Variants in DNAAF4 observed in about 807,000 individuals in gnomAD.
The protein encoded by DNAAF4 is dynein assembly factor 4, axonemal.
DNAAF4 carries 43 observed loss-of-function variants against 51.8 expected under a neutral mutation model. The observed-to-expected ratio is 0.83, with a 90% confidence interval of 0.65 to 1.07. DNAAF4 has a LOEUF of 1.07. DNAAF4 is among the 50% of genes least tolerant of loss of function. The pLI is 0.00. For missense variants in DNAAF4, 581 were observed against 493.0 expected, an observed-to-expected ratio of 1.18 and a Z score of -1.69; for synonymous variants, 194 against 165.6, an observed-to-expected ratio of 1.17 and a Z score of -1.32.
chr15:55,487,091 G>C (rs1433913612), intron 4 of DNAAF4, among the ~76,000 whole-genome samples: 1 of 152,174 alleles, frequency 6.6e-6, no homozygotes, highest in Non-Finnish European at 1.5e-5. Context: ...CAAAATCTTA[G>C]TGAGAGGTGA....
intron 1 of DNAAF4, among the ~76,000 whole-genome samples, chr15:55,506,823 C>T (rs1595966345): frequency 6.6e-6 from 1 of 151,972 alleles, no homozygotes; most frequent in East Asian, 1.9e-4. Flanking sequence ...AGAAATAATG[C>T]TATTTTATAC....
intron 9 of DNAAF4, among the ~76,000 whole-genome samples, chr15:55,431,553 CA>C (rs1274976059): frequency 1.3e-5 from 2 of 150,834 alleles, no homozygotes; most frequent in Non-Finnish European, 2.9e-5. Flanking sequence ...TGGCTCACTG[CA>C]AGCTCTGCCT....
downstream of DNAAF4, among the ~76,000 whole-genome samples, chr15:55,429,524 A>G (rs74635189): frequency 6.7e-6 from 1 of 149,674 alleles, no homozygotes; most frequent in Non-Finnish European, 1.5e-5. Flanking sequence ...GTCTCAAGAA[A>G]AAAAAAAAAA....
In DNAAF4 at chr15:55,498,356, CG is replaced by C. The variant is rs1313927016; in HGVS notation, c.-28del. 1 of 1,589,728 alleles carries C rather than the reference CG, an allele frequency of 6.3e-7. No homozygotes were observed. The highest frequency in any genetic ancestry group is 1.4e-5 in the African/African-American group (1 of 73,894). Reference sequence around the variant, plus strand: ...CCGGTAGCAACGGGAGCGGATAGCGCGGCTGGTTGCTTCTTGCGCCTGCTTG... The same window carrying C: ...CCGGTAGCAACGGGAGCGGATAGCGCGCTGGTTGCTTCTTGCGCCTGCTTG... On this transcript the variant is annotated 5_prime_UTR_variant, in exon 2 of 10. Transcript: ENST00000321149.
intron 8 of DNAAF4, among the ~76,000 whole-genome samples, chr15:55,433,693 T>G (rs1188637614): frequency 7.2e-6 from 1 of 138,594 alleles, no homozygotes; most frequent in Non-Finnish European, 1.5e-5. Context: ...TACAGGAATT[T>G]AGCAAATATA....
At chr15:55,432,844 G>C (rs1484845379) in intron 8 of DNAAF4, among the ~76,000 whole-genome samples, 2 of 151,878 alleles carry the variant, frequency 1.3e-5, no homozygotes, top group African/African-American at 4.8e-5. Context: ...TAGCTACTTG[G>C]GAGGCTGAGG....
chr15:55,483,163 C>A (rs774529124), intron 4 of DNAAF4, among the ~76,000 whole-genome samples: 3 of 152,098 alleles, frequency 2.0e-5, no homozygotes, highest in Non-Finnish European at 4.4e-5. Flanking sequence ...GTGGCTCAAT[C>A]TCGGCTCAAT....
rs763879829 is a variant in DNAAF4, at chr15:55,450,341, C to T, written c.664G>A (p.Glu222Lys). Residue 222 changes from glutamate (E) to lysine (K), a missense_variant, in exon 6 of 10, where the codon GAG becomes AAG. Glu to Lys is a moderately conservative substitution (Grantham distance 56). Transcript: ENST00000321149. ...KGRNSENIFT[E>K]KLKEDSIPAP... ...GGAATACTGTCTTCCTTTAACTTCT[C>T]AGTAAATATATTTTCTGAATTTCTC... 45 of 1,611,604 alleles carry T rather than the reference C, an allele frequency of 2.8e-5. No individual in the cohort carries two copies. The Admixed American group carries it at 7.6e-4, about 27-fold the overall frequency.
downstream of DNAAF4, among the ~76,000 whole-genome samples, chr15:55,427,498 C>G (rs1404732136): frequency 1.3e-5 from 2 of 151,798 alleles, no homozygotes; most frequent in Non-Finnish European, 2.9e-5. Flanking sequence ...GTTGGGGGGG[C>G]CACAAGATTA....
chr15:55,482,853 T>C (rs983595366), intron 4 of DNAAF4, among the ~76,000 whole-genome samples: 2 of 152,118 alleles, frequency 1.3e-5, no homozygotes, highest in East Asian at 3.8e-4. Context: ...TATTCATCCA[T>C]AAAAAGGAAT....
chr15:55,469,474 C>CTATT (rs1286813730), intron 4 of DNAAF4, among the ~76,000 whole-genome samples: 1 of 66,254 alleles, frequency 1.5e-5, no homozygotes, highest in African/African-American at 6.4e-5. Context: ...CTTACCAATT[C>CTATT]TTTTTTTTTT....
rs570840967 is a variant in DNAAF4, at chr15:55,497,647, A to C, written c.271+65T>G. 6.5e-6 allele frequency: 10 copies of C among 1,528,168 alleles called. No individual in the cohort carries two copies. In the African/African-American group the frequency reaches 1.3e-4, roughly 19 times the overall value. 94.7% of individuals were successfully genotyped at this position (1,528,168 alleles called of 1,614,324 possible). A position where few individuals can be genotyped will look rare whatever the true frequency, so the allele number is the denominator to read the frequency against. On this transcript the variant is annotated intron_variant, in intron 3 of 9. Transcript: ENST00000321149. ...CACAATATAGGTGCTTCAAAATAAA[A>C]TTTTTTAAAAGGTCTGAAACCGAAA... is the stretch of plus-strand genomic sequence containing the variant.
At chr15:55,479,554 A>G (rs2058380206) in intron 4 of DNAAF4, among the ~76,000 whole-genome samples, 1 of 152,054 alleles carries the variant, frequency 6.6e-6, no homozygotes, top group South Asian at 2.1e-4. Flanking sequence ...TTAAGGAACA[A>G]GGGAAGACAA....
intron 4 of DNAAF4, among the ~76,000 whole-genome samples, chr15:55,480,540 A>G (rs2058395038): frequency 6.6e-6 from 1 of 152,106 alleles, no homozygotes. Flanking sequence ...AATTGTTTGC[A>G]CTGCACACTT....
At chr15:55,506,837 T>A (rs1268360052) in intron 1 of DNAAF4, among the ~76,000 whole-genome samples, 1 of 152,060 alleles carries the variant, frequency 6.6e-6, no homozygotes, top group Non-Finnish European at 1.5e-5. Context: ...TTTATACAAC[T>A]TTTACTTTTT....
At chr15:55,474,500 C>T (rs1171493698) in intron 4 of DNAAF4, among the ~76,000 whole-genome samples, 3 of 152,034 alleles carry the variant, frequency 2.0e-5, no homozygotes, top group African/African-American at 7.2e-5. Flanking sequence ...TGCCACTGCA[C>T]TCCAGCCTGG....
chr15:55,492,175 T>G (rs372867633), intron 3 of DNAAF4, among the ~76,000 whole-genome samples: 1 of 150,186 alleles, frequency 6.7e-6, no homozygotes, highest in Non-Finnish European at 1.5e-5. Flanking sequence ...ATCTTTATAT[T>G]TGATGTGGCC....
At chr15:55,491,311 T>C (rs564635880) in intron 3 of DNAAF4, 55 bp from the exon 4 acceptor site, 3 of 1,546,566 alleles carry the variant, frequency 1.9e-6, no homozygotes, top group African/African-American at 1.4e-5. Flanking sequence ...GCTTTACTTA[T>C]GAGAAAACTA....
intron 5 of DNAAF4, among the ~76,000 whole-genome samples, chr15:55,455,695 G>A (rs967315385): frequency 5.3e-5 from 8 of 151,962 alleles, no homozygotes; most frequent in Non-Finnish European, 1.5e-5. Flanking sequence ...GCCTCCCAAA[G>A]TACTGGGATT....
Sources: gnomAD v4.1 joint callset for allele counts (sites outside exome capture counted in the v4.1 genomes callset) on GRCh38, gnomAD v4.1.1 for gene constraint, MANE v1.5 for transcripts, NCBI Gene and HGNC (gene_info 2026-07-23, HGNC 2026-07-21) for gene names.